The following PLA2R1 variants were observed in gnomAD, a reference collection of about 807,000 sequenced individuals.
PLA2R1 encodes phospholipase A2 receptor 1, also known as secretory phospholipase A2 receptor.
In PLA2R1, 158 loss-of-function variants were observed where a neutral mutation model predicts 195.9. The ratio of observed to expected loss-of-function variants is 0.81; its 90% confidence interval spans 0.71 to 0.92. The LOEUF is 0.92. Among genes scored for constraint, PLA2R1 ranks in the 40% least tolerant of loss-of-function variants. PLA2R1 has a pLI of 0.00. For missense variants in PLA2R1, 1,626 were observed against 1,764.6 expected (o/e 0.92, Z 1.41); for synonymous variants, 586 against 598.2 (o/e 0.98, Z 0.30).
intron 11 of PLA2R1, among the ~76,000 whole-genome samples, chr2:160,001,676 TTAACTC>T (rs1369977517): frequency 1.3e-4 from 20 of 151,982 alleles, no homozygotes. Flanking sequence ...CATGGACAAA[TTAACTC>T]TAAGGAGAAA....
In PLA2R1 at chr2:159,934,233, C is replaced by T. The variant is rs971116547; in HGVS notation, c.*7545G>A. The T allele has an allele frequency of 6.6e-6, 1 of 152,144 alleles. No individual in the cohort carries two copies. Among genetic ancestry groups the T allele is most frequent in the African/African-American group, 2.4e-5 (1 of 41,426 alleles). 9.4% of individuals were successfully genotyped at this position (152,144 alleles called of 1,614,324 possible). A position where few individuals can be genotyped will look rare whatever the true frequency, so the allele number is the denominator to read the frequency against. Reference sequence around the variant, plus strand: ...TTTTCCCTGCTGTACCCTATTAATACTAAGGCACGAGGTTGTAGGGGATAG... The same window carrying T: ...TTTTCCCTGCTGTACCCTATTAATATTAAGGCACGAGGTTGTAGGGGATAG... On this transcript the variant is annotated 3_prime_UTR_variant, in exon 30 of 30. Transcript: ENST00000283243.
At chr2:159,927,116 T>G (rs572635999), downstream of PLA2R1, among the ~76,000 whole-genome samples, 82 of 152,248 alleles carry the variant, frequency 5.4e-4, no homozygotes, top group African/African-American at 1.8e-3. Context: ...TTTGGAGGAA[T>G]AGCCATCATC....
At chr2:160,028,169 G>C in intron 6 of PLA2R1, 49 bp downstream of exon 6, 1 of 1,258,142 alleles carries the variant, frequency 7.9e-7, no homozygotes. Context: ...CATATATTGA[G>C]AGGACAAGTC....
intron 25 of PLA2R1, among the ~76,000 whole-genome samples, chr2:159,948,103 T>C (rs891106781): frequency 2.6e-5 from 4 of 152,228 alleles, no homozygotes; most frequent in African/African-American, 9.6e-5. Flanking sequence ...GCATGAGAGT[T>C]AGACACATCC....
Position 159,941,959 on chromosome 2 carries a change from A to G in PLA2R1, c.4211T>C (p.Val1404Ala). The G allele has an allele frequency of 6.2e-7, 1 of 1,613,986 alleles. No homozygotes were observed. ...GGCCACAATGACTATCAGTGTCAGT[A>G]CAACCGCAAGAGGAATGATGCTGTG... ...PSHSIIPLAV[V>A]LTLIVIVAIC... Residue 1404 changes from valine to alanine, a missense_variant, in exon 30 of 30, where the codon GTA (valine) becomes GCA (alanine). Transcript: ENST00000283243.
chr2:160,035,426 C>G (rs1694112949), intron 3 of PLA2R1, among the ~76,000 whole-genome samples: 1 of 152,176 alleles, frequency 6.6e-6, no homozygotes, highest in African/African-American at 2.4e-5. Context: ...TACTTAGCCC[C>G]TGTATCCCAA....
intron 4 of PLA2R1, among the ~76,000 whole-genome samples, chr2:160,032,091 A>AT (rs1339742257): frequency 2.0e-5 from 3 of 152,238 alleles, no homozygotes; most frequent in African/African-American, 7.2e-5. Context: ...ATATAATACC[A>AT]TTTTTTATAT....
intron 2 of PLA2R1, among the ~76,000 whole-genome samples, chr2:160,042,823 GTGTGTGTGTGTGTGTGTGTA>G (rs1195681804): frequency 1.0e-4 from 12 of 116,652 alleles, no homozygotes; most frequent in Admixed American, 1.9e-4. Flanking sequence ...GTGTGTGTGT[GTGTGTGTGTGTGTGTGTGTA>G]TGTGTGAGAC....
chr2:159,929,205 G>C (rs911312865), downstream of PLA2R1, among the ~76,000 whole-genome samples: 1 of 152,152 alleles, frequency 6.6e-6, no homozygotes, highest in Non-Finnish European at 1.5e-5. Context: ...AATCAGCAGA[G>C]TACACAGACA....
At chr2:159,979,307 T>C (rs955315208) in intron 14 of PLA2R1, among the ~76,000 whole-genome samples, 1 of 152,168 alleles carries the variant, frequency 6.6e-6, no homozygotes, top group African/African-American at 2.4e-5. Flanking sequence ...GGTTTGCAAG[T>C]ATGGGAATGA....
At chr2:160,001,644 A>T (rs1033443011) in intron 11 of PLA2R1, among the ~76,000 whole-genome samples, 1 of 152,042 alleles carries the variant, frequency 6.6e-6, no homozygotes, top group African/African-American at 2.4e-5. Flanking sequence ...ACTAATTTTT[A>T]AAAAGTTACT....
intron 1 of PLA2R1, among the ~76,000 whole-genome samples, chr2:160,056,851 C>T (rs957512254): frequency 2.0e-5 from 3 of 152,208 alleles, no homozygotes; most frequent in Non-Finnish European, 4.4e-5. Flanking sequence ...ACCCAATTCA[C>T]TCAGCCAGAC....
At chr2:159,956,937 ACT>A (rs1688132042) in intron 20 of PLA2R1, among the ~76,000 whole-genome samples, 1 of 151,882 alleles carries the variant, frequency 6.6e-6, no homozygotes. Context: ...AAAAGGAGCC[ACT>A]CTGATTGCAA....
At chr2:160,035,587 A>C (rs771506448) in intron 3 of PLA2R1, among the ~76,000 whole-genome samples, 3 of 152,092 alleles carry the variant, frequency 2.0e-5, no homozygotes, top group Non-Finnish European at 4.4e-5. Flanking sequence ...TGTTTATATC[A>C]TCTCTTCTAT....
intron 20 of PLA2R1, among the ~76,000 whole-genome samples, chr2:159,960,209 A>C (rs1186272876): frequency 6.6e-6 from 1 of 152,018 alleles, no homozygotes; most frequent in Non-Finnish European, 1.5e-5. Flanking sequence ...AGCTCCCCCT[A>C]TTTTTAATGT....
intron 10 of PLA2R1, among the ~76,000 whole-genome samples, chr2:160,007,727 A>C (rs1291638757): frequency 6.6e-6 from 1 of 152,238 alleles, no homozygotes; most frequent in Admixed American, 6.5e-5. Context: ...AATGGTGCTG[A>C]AGGAAATTAA....
At chr2:160,021,497 C>T (rs1410307945) in intron 7 of PLA2R1, among the ~76,000 whole-genome samples, 1 of 152,216 alleles carries the variant, frequency 6.6e-6, no homozygotes, top group African/African-American at 2.4e-5. Context: ...ACAGGTAGCA[C>T]TTGAGGCGAT....
Position 159,949,634 on chromosome 2 carries a change from T to C in PLA2R1, c.3683A>G (p.Gln1228Arg). The C allele has an allele frequency of 6.2e-7, 1 of 1,614,054 alleles. No homozygotes were observed. The highest frequency in any genetic ancestry group is 1.1e-5 in the South Asian group (1 of 91,080). Residue 1228 changes from glutamine (Q) to arginine (R), a missense_variant, in exon 25 of 30, where the codon CAA becomes CGA. By Grantham distance (43) the Gln-to-Arg change is conservative. Coordinates refer to ENST00000283243, the MANE Select transcript of PLA2R1 (RefSeq NM_007366.5). ...AGGTGGCACATGACAAATGGCACCT[T>C]GCAGAAATGACTCGCAGGCTGTGCT... ...WHSTACESFL[Q>R]GAICHVPPET...
At position 159,955,199 on chromosome 2, in the gene PLA2R1, C is replaced by G; in HGVS notation, c.3301G>C (p.Asp1101His). 1 of 1,597,906 alleles carries G rather than the reference C, an allele frequency of 6.3e-7. No homozygotes were observed. The highest frequency in any genetic ancestry group is 8.5e-7 in the Non-Finnish European group (1 of 1,172,422). The part of the protein sequence containing the change: ...GYGFVCEKMQ[D>H]TSGHGVNTSD... ...GAATAAAAACCCAAATATTTCTTACCTTGCATTTTTTCACAAACAAACCCA... is the reference window on the plus strand; with the variant it reads ...GAATAAAAACCCAAATATTTCTTACGTTGCATTTTTTCACAAACAAACCCA... The change falls in exon 23 of 30, where the codon GAT becomes CAT. Residue 1101 changes from aspartate (D) to histidine (H), a missense_variant and splice_region_variant. Physicochemically the swap from Asp to His is moderately conservative, Grantham distance 81. Coordinates refer to ENST00000283243, the MANE Select transcript of PLA2R1 (RefSeq NM_007366.5).
Sources: gnomAD v4.1 joint callset for allele counts (sites outside exome capture counted in the v4.1 genomes callset) on GRCh38, gnomAD v4.1.1 for gene constraint, MANE v1.5 for transcripts, NCBI Gene and HGNC (gene_info 2026-07-23, HGNC 2026-07-21) for gene names.